SLC35B3: variants seen among roughly 807,000 people sequenced by gnomAD.
SLC35B3 encodes the protein adenosine 3'-phospho 5'-phosphosulfate transporter 2.
SLC35B3 carries 35 observed loss-of-function variants against 44.1 expected under a neutral mutation model. The ratio of observed to expected loss-of-function variants is 0.79; its 90% confidence interval spans 0.61 to 1.05. SLC35B3 has a LOEUF of 1.05. Among genes scored for constraint, SLC35B3 ranks in the 50% least tolerant of loss-of-function variants. SLC35B3 has a pLI of 0.00. For missense variants in SLC35B3, 414 were observed against 476.4 expected (o/e 0.87, Z 1.22); for synonymous variants, 146 against 167.3 (o/e 0.87, Z 0.98).
intron 7 of SLC35B3, 48 bp from the exon 7 acceptor site, chr6:8,417,542 A>C: frequency 1.2e-5 from 14 of 1,120,686 alleles, no homozygotes; most frequent in Non-Finnish European, 1.8e-5. Context: ...GAAACTGAAA[A>C]TGGAAGATTA....
rs1762750201 is a variant in SLC35B3, at chr6:8,419,993, G to A, written c.683-316C>T. Reference sequence around the variant, plus strand: ...TTCCACTAGTTCTGAAAGTGTAGAAGAAACTCTTAGGATATCTATCTATTG... The same window carrying A: ...TTCCACTAGTTCTGAAAGTGTAGAAAAAACTCTTAGGATATCTATCTATTG... On this transcript the variant is annotated intron_variant, in intron 6 of 10. Coordinates refer to ENST00000644923, the MANE Select transcript of SLC35B3 (RefSeq NM_001370476.2). This position sits in a 1 kb window ranked among gnomAD's most constrained non-coding sequence, Gnocchi z 4.3. Among the ~76,000 whole-genome samples the A allele has an allele frequency of 6.7e-6, 1 of 149,006 alleles. No homozygotes were observed. The highest frequency in any genetic ancestry group is 2.5e-5 in the African/African-American group (1 of 40,354).
intron 9 of SLC35B3, among the ~76,000 whole-genome samples, chr6:8,416,669 T>C (rs563097896): frequency 1.3e-5 from 2 of 152,342 alleles, no homozygotes; most frequent in Admixed American, 1.3e-4. Context: ...ATGTATATGT[T>C]TGATTTTAAA....
At chr6:8,417,842 C>G (rs762140620) in intron 7 of SLC35B3, among the ~76,000 whole-genome samples, 14 of 151,738 alleles carry the variant, frequency 9.2e-5, no homozygotes, top group Non-Finnish European at 2.1e-4. Flanking sequence ...ACTTATAAAA[C>G]ATAAAAAAAT....
intron 5 of SLC35B3, among the ~76,000 whole-genome samples, chr6:8,422,035 C>T (rs1416923093): frequency 6.6e-6 from 1 of 152,244 alleles, no homozygotes; most frequent in South Asian, 2.1e-4. Flanking sequence ...GATGGAGTCT[C>T]GCTCTGTCGC....
At chr6:8,416,531 C>A (rs1581230448) in intron 9 of SLC35B3, among the ~76,000 whole-genome samples, 1 of 152,240 alleles carries the variant, frequency 6.6e-6, no homozygotes, top group East Asian at 1.9e-4. Context: ...ACTTGAAATG[C>A]AACAAAACTG....
Position 8,413,282 on chromosome 6 carries a change from T to A in SLC35B3, c.*267A>T, listed in dbSNP as rs1762121683. On this transcript the variant is annotated 3_prime_UTR_variant, in exon 11 of 11. Transcript: ENST00000644923. Reference sequence around the variant, plus strand: ...ACACATGGTCCATTTCCAGTGAAATTCTCAATAAACTGCTAGGAATTACAG... The same window carrying A: ...ACACATGGTCCATTTCCAGTGAAATACTCAATAAACTGCTAGGAATTACAG... 3.2e-6 allele frequency: 1 copy of A among 313,160 alleles called. No homozygotes were observed. The highest frequency in any genetic ancestry group is 2.2e-5 in the African/African-American group (1 of 45,630). The allele number at this position is 313,160 out of a possible 1,614,324, so 19.4% of individuals were successfully genotyped here. A position where few individuals can be genotyped will look rare whatever the true frequency, so the allele number is the denominator to read the frequency against.
chr6:8,430,967 A>G (rs1019609084), intron 2 of SLC35B3, among the ~76,000 whole-genome samples: 3 of 152,188 alleles, frequency 2.0e-5, no homozygotes, highest in Non-Finnish European at 4.4e-5. Context: ...TAGATTTATC[A>G]GAGACTACAG....
Position 8,434,250 on chromosome 6 carries a change from G to A in SLC35B3, c.3+135C>T, listed in dbSNP as rs1312369111. 5.4e-6 allele frequency: 4 copies of A among 740,694 alleles called. No homozygotes were observed. The highest frequency in any genetic ancestry group is 5.2e-5 in the East Asian group (2 of 38,516). 45.9% of individuals were successfully genotyped at this position (740,694 alleles called of 1,614,324 possible). A position where few individuals can be genotyped will look rare whatever the true frequency, so the allele number is the denominator to read the frequency against. On this transcript the variant is annotated intron_variant, in intron 2 of 10. Transcript: ENST00000644923. The surrounding 1 kb of genome is among the most constrained non-coding windows in gnomAD (Gnocchi z 6.3). ...ATTTCAGTTTATTTTTGAGTTTTCC[G>A]ACCTGAAGGACAAAAGTCCCACACC...
chr6:8,428,313 T>C lies in SLC35B3; in HGVS notation c.298-255A>G, dbSNP rs6924847. Among the ~76,000 whole-genome samples the C allele has an allele frequency of 9.1e-3, 1,393 of 152,298 alleles. 15 individuals carry two copies. Among genetic ancestry groups the C allele is most frequent in the African/African-American group, 0.032 (1,333 of 41,566 alleles). ...CTAAACATGTTATATTATAAAGCAA[T>C]ATTTATATCAGTTATTAATAAGCCA... On this transcript the variant is annotated intron_variant, in intron 3 of 10. Coordinates refer to ENST00000644923, the MANE Select transcript of SLC35B3 (RefSeq NM_001370476.2).
intron 2 of SLC35B3, among the ~76,000 whole-genome samples, chr6:8,431,865 C>A (rs1353395284): frequency 6.6e-6 from 1 of 152,140 alleles, no homozygotes; most frequent in Non-Finnish European, 1.5e-5. Flanking sequence ...TCTAAGTTTG[C>A]TCTCCCTCCA....
chr6:8,424,259 A>T (rs7773382), intron 4 of SLC35B3, among the ~76,000 whole-genome samples: 29,835 of 150,716 alleles, frequency 0.2, 3,015 homozygotes, highest in East Asian at 0.29. Context: ...TGGGGAGAAA[A>T]TTTTTTTTTT....
rs1486370507 is a variant in SLC35B3, at chr6:8,420,536, C to A, written c.682+185G>T. Among the ~76,000 whole-genome samples, 1 of 152,072 alleles carries A rather than the reference C, an allele frequency of 6.6e-6. No individual in the cohort carries two copies. The highest frequency in any genetic ancestry group is 1.5e-5 in the Non-Finnish European group (1 of 68,000). On this transcript the variant is annotated intron_variant, in intron 6 of 10. Coordinates refer to ENST00000644923, the MANE Select transcript of SLC35B3 (RefSeq NM_001370476.2). This position sits in a 1 kb window ranked among gnomAD's most constrained non-coding sequence, Gnocchi z 4.4. ...AAATGCATGCACACTAAAAAACAAACAAATTGTTTTATCTACAGAGCTGTG... is the reference window on the plus strand; with the variant it reads ...AAATGCATGCACACTAAAAAACAAAAAAATTGTTTTATCTACAGAGCTGTG...
chr6:8,422,905 AG>A (rs938949624), intron 4 of SLC35B3, among the ~76,000 whole-genome samples: 4 of 138,868 alleles, frequency 2.9e-5, no homozygotes, highest in African/African-American at 1.2e-4. Context: ...TGTTGACAAA[AG>A]GTTTTTTTTT....
Position 8,428,005 on chromosome 6 carries a change from T to C in SLC35B3, c.351A>G (p.Leu117=). The change falls in exon 4 of 11, where the codon TTA becomes TTG. Residue 117 remains leucine (L), a synonymous_variant. Coordinates refer to ENST00000644923, the MANE Select transcript of SLC35B3 (RefSeq NM_001370476.2). ...ATATGGAGTAAAAGGCAAACTGCAC[T>C]AAGGTAAGGTACCAGCCACAGGACT... 6.2e-7 allele frequency: 1 copy of C among 1,611,940 alleles called. No homozygotes were observed. The highest frequency in any genetic ancestry group is 1.1e-5 in the South Asian group (1 of 90,824).
chr6:8,432,751 G>T lies in SLC35B3; in HGVS notation c.3+1634C>A, dbSNP rs2113559764. On this transcript the variant is annotated intron_variant, in intron 2 of 10. Transcript: ENST00000644923. This position sits in a 1 kb window ranked among gnomAD's most constrained non-coding sequence, Gnocchi z 4.8. ...ATGACAGTCCATAAGTGTGTTAGCT[G>T]TCATCCTTCAACTTTTTAGAAATAT... Among the ~76,000 whole-genome samples, 1 of 152,294 alleles carries T rather than the reference G, an allele frequency of 6.6e-6. No homozygotes were observed. The highest frequency in any genetic ancestry group is 1.9e-4 in the East Asian group (1 of 5,174).
In SLC35B3 at chr6:8,435,061, CT is replaced by C. The variant is rs1764353172; in HGVS notation, c.-44+281del. The stretch of plus-strand genomic sequence containing the variant: ...ACCCCGAGAACAGCGTAAAAGACCC[CT>C]TGAGGTCACCTCACCCCTGCGAGTC... On this transcript the variant is annotated intron_variant, in intron 1 of 10. Coordinates refer to ENST00000644923, the MANE Select transcript of SLC35B3 (RefSeq NM_001370476.2). The surrounding 1 kb of genome is among the most constrained non-coding windows in gnomAD (Gnocchi z 5.5). 3 of 1,208,454 alleles carry C rather than the reference CT, an allele frequency of 2.5e-6. No individual in the cohort carries two copies. The highest frequency in any genetic ancestry group is 3.3e-5 in the Admixed American group (1 of 30,234). The allele number at this position is 1,208,454 out of a possible 1,614,324, so 74.9% of individuals were successfully genotyped here. A position where few individuals can be genotyped will look rare whatever the true frequency, so the allele number is the denominator to read the frequency against.
rs556449001 is a variant in SLC35B3, at chr6:8,419,852, T to C, written c.683-175A>G. Among the ~76,000 whole-genome samples the C allele has an allele frequency of 4.6e-5, 7 of 152,260 alleles. No homozygotes were observed. The highest frequency in any genetic ancestry group is 1.2e-4 in the African/African-American group (5 of 41,570). ...CACAATCGGTTGTAACAAGTACATATGTGATGATATTAAAAAAGATATACT... is the reference window on the plus strand; with the variant it reads ...CACAATCGGTTGTAACAAGTACATACGTGATGATATTAAAAAAGATATACT... On this transcript the variant is annotated intron_variant, in intron 6 of 10. Coordinates refer to ENST00000644923, the MANE Select transcript of SLC35B3 (RefSeq NM_001370476.2). The surrounding 1 kb of genome is among the most constrained non-coding windows in gnomAD (Gnocchi z 4.3).
In SLC35B3 at chr6:8,435,464, A is replaced by C; in HGVS notation, c.-165T>G. ...CTCCTCTTCCTCCTCCTCCTCGCCC[A>C]CTCCTGCACTTTCCACCGCGGCGGT... On this transcript the variant is annotated 5_prime_UTR_variant, in exon 1 of 11. Transcript: ENST00000644923. This position sits in a 1 kb window ranked among gnomAD's most constrained non-coding sequence, Gnocchi z 5.5. 1.8e-6 allele frequency: 2 copies of C among 1,118,928 alleles called. No homozygotes were observed. Among genetic ancestry groups the C allele is most frequent in the Non-Finnish European group, 1.2e-6 (1 of 848,716 alleles). The allele number at this position is 1,118,928 out of a possible 1,614,324, so 69.3% of individuals were successfully genotyped here. A position where few individuals can be genotyped will look rare whatever the true frequency, so the allele number is the denominator to read the frequency against.
At position 8,420,953 on chromosome 6, in the gene SLC35B3, A is replaced by C; in HGVS notation, c.575-125T>G. On this transcript the variant is annotated intron_variant, in intron 5 of 10. Coordinates refer to ENST00000644923, the MANE Select transcript of SLC35B3 (RefSeq NM_001370476.2). This position sits in a 1 kb window ranked among gnomAD's most constrained non-coding sequence, Gnocchi z 4.4. ...TCCAATGCCAAAAACGTGAACACTTAGGTCAAGGCAGAAGACAGTCACAAG... is the reference window on the plus strand; with the variant it reads ...TCCAATGCCAAAAACGTGAACACTTCGGTCAAGGCAGAAGACAGTCACAAG... The C allele has an allele frequency of 1.7e-6, 1 of 591,564 alleles. No individual in the cohort carries two copies. Among genetic ancestry groups the C allele is most frequent in the Non-Finnish European group, 2.9e-6 (1 of 343,296 alleles). 36.6% of individuals were successfully genotyped at this position (591,564 alleles called of 1,614,324 possible).
Sources: allele counts gnomAD v4.1 joint callset (sites outside exome capture counted in the v4.1 genomes callset), GRCh38; gene constraint gnomAD v4.1.1; non-coding constraint Gnocchi (gnomAD v3.1); transcripts MANE v1.5; gene names NCBI Gene and HGNC (gene_info 2026-07-23, HGNC 2026-07-21).